SUPT7L: variants seen among roughly 807,000 people sequenced by gnomAD.
SUPT7L encodes SPT7 like, STAGA complex subunit gamma.
A neutral mutation model predicts 35.7 loss-of-function variants in SUPT7L; 15 were observed. That is an observed-to-expected ratio of 0.42 (90% confidence interval 0.28 to 0.65). The LOEUF (loss-of-function observed/expected upper bound fraction) is 0.65. SUPT7L is among the 30% of genes least tolerant of loss of function. The probability of loss-of-function intolerance (pLI) is 0.23; values close to 1 mark genes in which losing one functional copy is unlikely to be tolerated. For missense variants in SUPT7L, 434 were observed against 522.2 expected (o/e 0.83, Z 1.65); for synonymous variants, 168 against 186.2 (o/e 0.90, Z 0.79).
intron 5 of SUPT7L, among the ~76,000 whole-genome samples, chr2:27,654,427 T>C (rs1674699628): frequency 6.6e-6 from 1 of 152,240 alleles, no homozygotes; most frequent in Non-Finnish European, 1.5e-5. Context: ...CATTTGTGCA[T>C]TGATGACAAT....
chr2:27,656,720 C>T (rs1674821209), intron 4 of SUPT7L, among the ~76,000 whole-genome samples: 1 of 151,980 alleles, frequency 6.6e-6, no homozygotes. Context: ...GCAGCCTTAA[C>T]TTCCTGGTCT....
chr2:27,654,790 T>C (rs1674712634), intron 5 of SUPT7L, among the ~76,000 whole-genome samples: 1 of 152,064 alleles, frequency 6.6e-6, no homozygotes. Context: ...ATGTTCTCGA[T>C]CTCCTGACCT....
In SUPT7L at chr2:27,657,409, C is replaced by T; in HGVS notation, c.680G>A (p.Ser227Asn). The T allele has an allele frequency of 1.9e-6, 3 of 1,614,254 alleles. No homozygotes were observed. Among genetic ancestry groups the T allele is most frequent in the Non-Finnish European group, 2.5e-6 (3 of 1,180,046 alleles). The change falls in exon 4 of 6, where the codon AGT (serine) becomes AAT (asparagine). Residue 227 changes from serine (S) to asparagine (N), a missense_variant. Physicochemically the swap from Ser to Asn is conservative, Grantham distance 46. This residue lies in a region of SUPT7L where 198 missense variants were observed against 190.8 expected (regional missense o/e 1.04). Transcript: ENST00000337768. This position sits in a 1 kb window ranked among gnomAD's most constrained non-coding sequence, Gnocchi z 5.2. The stretch of plus-strand genomic sequence containing the variant: ...CCAGAACTTCTGGAGGGAGAGCACA[C>T]TGCCAATACCCACTTCATGGAATAC... ...EQVFHEVGIG[S>N]VLSLQKFWQH...
intron 1 of SUPT7L, among the ~76,000 whole-genome samples, chr2:27,662,665 G>A (rs1271555955): frequency 2.0e-5 from 3 of 152,120 alleles, no homozygotes; most frequent in Non-Finnish European, 4.4e-5. Context: ...AGTACTTATC[G>A]CAATAGATTT....
At chr2:27,659,963 T>C (rs980371475) in intron 3 of SUPT7L, among the ~76,000 whole-genome samples, 6 of 152,164 alleles carry the variant, frequency 3.9e-5, no homozygotes, top group Admixed American at 6.5e-5. Flanking sequence ...AAAAAAGTAA[T>C]TGGCATTAAA....
At chr2:27,655,322 G>A (rs752681594) in intron 5 of SUPT7L, 43 bp downstream of exon 5, 39 of 1,483,716 alleles carry the variant, frequency 2.6e-5, no homozygotes, top group Non-Finnish European at 3.1e-5. Context: ...ACTGAAATTG[G>A]CAGATCTCCC....
In SUPT7L at chr2:27,662,275, C is replaced by T; in HGVS notation, c.-83G>A. 2.1e-6 allele frequency: 3 copies of T among 1,456,092 alleles called. No individual in the cohort carries two copies. The highest frequency in any genetic ancestry group is 1.1e-5 in the South Asian group (1 of 87,558). 90.2% of individuals were successfully genotyped at this position (1,456,092 alleles called of 1,614,324 possible). ...CGGTCAAAGACTGATAATGTGAGAT[C>T]CTTGCCCTGAAGTGAGGAAGAGAAA... On this transcript the variant is annotated 5_prime_UTR_variant, in exon 2 of 6. Transcript: ENST00000337768.
chr2:27,647,949 A>C (rs1674321476), downstream of SUPT7L: 1 of 1,468,716 alleles, frequency 6.8e-7, no homozygotes, highest in South Asian at 1.1e-5. Flanking sequence ...CAGAGGTGAG[A>C]GGTGGCTGAG....
At position 27,652,789 on chromosome 2, in the gene SUPT7L, G is replaced by GT. The variant is rs1426313256; in HGVS notation, c.*695dup. ...GAAAATATGTATATGGTGAAAGTAT[G>GT]TGAGTCCGAGCAGAAATAACAAAGG... On this transcript the variant is annotated 3_prime_UTR_variant, in exon 6 of 6. Coordinates refer to ENST00000337768, the MANE Select transcript of SUPT7L (RefSeq NM_014860.3). 1 of 152,770 alleles carries GT rather than the reference G, an allele frequency of 6.5e-6. No homozygotes were observed. The highest frequency in any genetic ancestry group is 2.4e-5 in the African/African-American group (1 of 41,462). 9.5% of individuals were successfully genotyped at this position (152,770 alleles called of 1,614,324 possible). A position where few individuals can be genotyped will look rare whatever the true frequency, so the allele number is the denominator to read the frequency against.
the SUPT7L span, among the ~76,000 whole-genome samples, chr2:27,643,573 A>G: frequency 5.9e-5 from 9 of 152,314 alleles, no homozygotes; most frequent in African/African-American, 2.2e-4. This position sits in a 1 kb window ranked among gnomAD's most constrained non-coding sequence, Gnocchi z 4.0. Context: ...TAGCAGGAGA[A>G]AATCTGGATG....
downstream of SUPT7L, among the ~76,000 whole-genome samples, chr2:27,649,704 T>A (rs527251942): frequency 3.9e-5 from 6 of 152,360 alleles, no homozygotes; most frequent in African/African-American, 1.4e-4. Flanking sequence ...ATCAGTATGT[T>A]CTTTTTTATT....
At chr2:27,654,692 G>A (rs1255662884) in intron 5 of SUPT7L, among the ~76,000 whole-genome samples, 3 of 152,054 alleles carry the variant, frequency 2.0e-5, no homozygotes, top group African/African-American at 7.2e-5. Flanking sequence ...TCAGCCTCCT[G>A]AGTAGCTGGG....
chr2:27,661,408 A>AAG lies in SUPT7L; in HGVS notation c.15-22_15-21dup. ...CAGTATCTCAACATTTTGGAATAAG[A>AAG]AGAGAAGAGGTCTCAGGATAAATGT... On this transcript the variant is annotated intron_variant, in intron 2 of 5. Transcript: ENST00000337768. 6.2e-7 allele frequency: 1 copy of AAG among 1,613,084 alleles called. No individual in the cohort carries two copies. Among genetic ancestry groups the AAG allele is most frequent in the Non-Finnish European group, 8.5e-7 (1 of 1,179,982 alleles).
chr2:27,650,016 C>T, downstream of SUPT7L: 1 of 709,114 alleles, frequency 1.4e-6, no homozygotes, highest in Non-Finnish European at 2.6e-6. Context: ...ACTTAAGTTT[C>T]TTAGAAGTAA....
chr2:27,651,640 C>G lies in SUPT7L; in HGVS notation c.*1845G>C, dbSNP rs1301046247. The G allele has an allele frequency of 6.6e-6, 1 of 152,184 alleles. No homozygotes were observed. Among genetic ancestry groups the G allele is most frequent in the African/African-American group, 2.4e-5 (1 of 41,448 alleles). 9.4% of individuals were successfully genotyped at this position (152,184 alleles called of 1,614,324 possible). ...TCTGTAGTACTTTTGAATGCTTTAT[C>G]TTCCTTACAGAATAACTTGTCTTCC... On this transcript the variant is annotated 3_prime_UTR_variant, in exon 6 of 6. Coordinates refer to ENST00000337768, the MANE Select transcript of SUPT7L (RefSeq NM_014860.3).
At chr2:27,658,526 A>G (rs1674903313) in intron 3 of SUPT7L, among the ~76,000 whole-genome samples, 1 of 152,222 alleles carries the variant, frequency 6.6e-6, no homozygotes, top group African/African-American at 2.4e-5. Context: ...GAAATTTCCT[A>G]CTGGCTTCTG....
downstream of SUPT7L, chr2:27,650,099 CCTT>C: frequency 6.9e-7 from 1 of 1,456,338 alleles, no homozygotes; most frequent in Non-Finnish European, 9.6e-7. Flanking sequence ...AAAGAATTGC[CCTT>C]TTTTCCTTGC....
chr2:27,650,899 C>G lies in SUPT7L; in HGVS notation c.*2586G>C, dbSNP rs991858605. On this transcript the variant is annotated 3_prime_UTR_variant, in exon 6 of 6. Coordinates refer to ENST00000337768, the MANE Select transcript of SUPT7L (RefSeq NM_014860.3). Reference sequence around the variant, plus strand: ...TTCAAATTAGAAAATTATATAATTGCAAACAGCTTCACTTCTCCTGTTCAA... The same window carrying G: ...TTCAAATTAGAAAATTATATAATTGGAAACAGCTTCACTTCTCCTGTTCAA... 4 of 152,710 alleles carry G rather than the reference C, an allele frequency of 2.6e-5. No homozygotes were observed. Among genetic ancestry groups the G allele is most frequent in the African/African-American group, 9.7e-5 (4 of 41,404 alleles). The allele number at this position is 152,710 out of a possible 1,614,324, so 9.5% of individuals were successfully genotyped here. A position where few individuals can be genotyped will look rare whatever the true frequency, so the allele number is the denominator to read the frequency against.
downstream of SUPT7L, chr2:27,650,023 G>A: frequency 1.3e-6 from 1 of 746,072 alleles, no homozygotes; most frequent in Non-Finnish European, 2.4e-6. Context: ...TTTCTTAGAA[G>A]TAATGTACTG....
Sources: allele counts gnomAD v4.1 joint callset (sites outside exome capture counted in the v4.1 genomes callset), GRCh38; gene constraint gnomAD v4.1.1; regional missense constraint gnomAD v4.1.1; non-coding constraint Gnocchi (gnomAD v3.1); transcripts MANE v1.5; gene names NCBI Gene and HGNC (gene_info 2026-07-23, HGNC 2026-07-21).